The following PAQR5 variants were observed in gnomAD, a reference collection of about 807,000 sequenced individuals.
PAQR5 encodes the protein membrane progestin receptor gamma.
A neutral mutation model predicts 34.5 loss-of-function variants in PAQR5; 20 were observed. That is an observed-to-expected ratio of 0.58 (90% CI 0.41 to 0.84). The LOEUF (loss-of-function observed/expected upper bound fraction) is 0.84, where lower values mean the gene tolerates loss of function less well. PAQR5 is among the 40% of genes least tolerant of loss of function. The pLI, the probability that PAQR5 is intolerant of heterozygous loss-of-function variation, is 0.00. For synonymous variants in PAQR5, 131 were observed against 155.6 expected, an observed-to-expected ratio of 0.84 and a Z score of 1.18; for missense variants, 378 against 412.7, an observed-to-expected ratio of 0.92 and a Z score of 0.73.
intron 1 of PAQR5, among the ~76,000 whole-genome samples, chr15:69,302,871 A>G (rs965182652): frequency 6.6e-6 from 1 of 152,210 alleles, no homozygotes; most frequent in African/African-American, 2.4e-5. Flanking sequence ...AGGATGCAGC[A>G]GAGTAAGAGC....
intron 1 of PAQR5, among the ~76,000 whole-genome samples, chr15:69,320,963 G>A (rs1465153649): frequency 2.6e-5 from 4 of 152,174 alleles, no homozygotes; most frequent in East Asian, 1.9e-4. Flanking sequence ...ATTTTCCGCC[G>A]ACAAGGCCTT....
intron 4 of PAQR5, 33 bp from the exon 5 acceptor site, chr15:69,384,644 T>C (rs374598709): frequency 1.3e-6 from 2 of 1,519,380 alleles, no homozygotes; most frequent in East Asian, 2.3e-5. Context: ...TCTGTGTTCA[T>C]GGTGGAGGGT....
intron 2 of PAQR5, among the ~76,000 whole-genome samples, chr15:69,350,698 A>AC (rs2140788605): frequency 1.3e-5 from 2 of 152,138 alleles, no homozygotes; most frequent in East Asian, 3.9e-4. Context: ...AAACAAACAA[A>AC]AAAACCAGAG....
chr15:69,353,395 T>C (rs938850539), intron 2 of PAQR5, among the ~76,000 whole-genome samples: 2 of 152,258 alleles, frequency 1.3e-5, no homozygotes, highest in African/African-American at 4.8e-5. Flanking sequence ...TTCATTGCCA[T>C]GGTATTCATA....
At chr15:69,327,045 G>A (rs2054270651) in intron 1 of PAQR5, among the ~76,000 whole-genome samples, 2 of 151,688 alleles carry the variant, frequency 1.3e-5, no homozygotes, top group Admixed American at 1.3e-4. Flanking sequence ...TGAGTGCAGT[G>A]GCAGTAACAT....
At chr15:69,372,278 T>C (rs1333611411) in intron 3 of PAQR5, among the ~76,000 whole-genome samples, 1 of 152,216 alleles carries the variant, frequency 6.6e-6, no homozygotes, top group Non-Finnish European at 1.5e-5. Flanking sequence ...GCGCGGTGGC[T>C]CATGCCTGTA....
intron 1 of PAQR5, among the ~76,000 whole-genome samples, chr15:69,314,119 T>C (rs2053889020): frequency 6.6e-6 from 1 of 152,016 alleles, no homozygotes; most frequent in Non-Finnish European, 1.5e-5. Context: ...GTTTCTGAAA[T>C]AGAGGATGCC....
intron 8 of PAQR5, among the ~76,000 whole-genome samples, 188 bp from the exon 9 acceptor site, chr15:69,403,393 C>T (rs1384547891): frequency 6.6e-6 from 1 of 152,178 alleles, no homozygotes; most frequent in Non-Finnish European, 1.5e-5. Context: ...TTCTCACCCC[C>T]TGCTTGAGGC....
intron 1 of PAQR5, among the ~76,000 whole-genome samples, chr15:69,300,554 T>G (rs2053510277): frequency 6.6e-6 from 1 of 151,894 alleles, no homozygotes; most frequent in East Asian, 1.9e-4. Context: ...CTTAATCCCG[T>G]ATGCTTTTCT....
intron 2 of PAQR5, among the ~76,000 whole-genome samples, chr15:69,339,612 A>G (rs1436191776): frequency 1.3e-5 from 2 of 152,130 alleles, no homozygotes; most frequent in African/African-American, 4.8e-5. Context: ...AACTGGGACC[A>G]CAGGTGCACA....
intron 1 of PAQR5, among the ~76,000 whole-genome samples, chr15:69,316,725 CA>C (rs2053960612): frequency 6.6e-6 from 1 of 152,228 alleles, no homozygotes; most frequent in Admixed American, 6.5e-5. Flanking sequence ...ATGCTTGAAA[CA>C]CCCCAAAGAG....
intron 7 of PAQR5, 51 bp from the exon 8 acceptor site, chr15:69,399,923 C>T (rs2056571148): frequency 6.4e-7 from 1 of 1,569,708 alleles, no homozygotes; most frequent in East Asian, 2.2e-5. Flanking sequence ...GGAAGAGGGC[C>T]TGCCTCAGGC....
At chr15:69,403,556 T>C (rs951246977) in intron 8 of PAQR5, 25 bp from the exon 9 acceptor site, 3 of 1,612,096 alleles carry the variant, frequency 1.9e-6, no homozygotes, top group Non-Finnish European at 1.7e-6. Context: ...TTGCTGATCT[T>C]GACGGCCTTT....
chr15:69,350,006 T>G (rs1026963827), intron 2 of PAQR5, among the ~76,000 whole-genome samples: 5 of 152,184 alleles, frequency 3.3e-5, no homozygotes, highest in African/African-American at 1.2e-4. Context: ...CTAGAGTGGA[T>G]TTTTCACTTA....
In PAQR5 at chr15:69,379,975, G is replaced by C. The variant is rs2055836013; in HGVS notation, c.144G>C (p.Glu48Asp). Residue 48 changes from glutamate (E) to aspartate (D), a missense_variant, in exon 4 of 9, where the codon GAG (glutamate) becomes GAC (aspartate). Glu to Asp is a conservative substitution (Grantham distance 45, BLOSUM62 2). Coordinates refer to ENST00000395407, the MANE Select transcript of PAQR5 (RefSeq NM_017705.4). ...TCAGCCTTTTCCAAATGACCAATGA[G>C]ACTCTCAACATTTGGACTCACTTGC... ...CILSLFQMTN[E>D]TLNIWTHLLP... 1 of 1,614,100 alleles carries C rather than the reference G, an allele frequency of 6.2e-7. No individual in the cohort carries two copies. Among genetic ancestry groups the C allele is most frequent in the Admixed American group, 1.7e-5 (1 of 60,008 alleles).
chr15:69,354,943 T>C (rs1225378825), intron 2 of PAQR5, among the ~76,000 whole-genome samples: 1 of 152,192 alleles, frequency 6.6e-6, no homozygotes, highest in African/African-American at 2.4e-5. Context: ...TTTCTGGCCC[T>C]TGGACTCTAG....
intron 6 of PAQR5, chr15:69,391,484 G>A (rs548704559): frequency 7.2e-5 from 19 of 262,238 alleles, no homozygotes; most frequent in South Asian, 5.9e-4. Flanking sequence ...GTGGATGAAG[G>A]GAGGTATAAC....
chr15:69,334,281 G>A (rs2054461726), intron 1 of PAQR5, among the ~76,000 whole-genome samples: 1 of 152,158 alleles, frequency 6.6e-6, no homozygotes, highest in Non-Finnish European at 1.5e-5. Flanking sequence ...ACCCACCTCG[G>A]CCTTCCAAAG....
At chr15:69,347,530 G>A (rs1440685818) in intron 2 of PAQR5, among the ~76,000 whole-genome samples, 1 of 152,022 alleles carries the variant, frequency 6.6e-6, no homozygotes, top group East Asian at 1.9e-4. Context: ...AGAAAAAAGT[G>A]GGCATCTTCT....
Sources: gnomAD v4.1 joint callset for allele counts (sites outside exome capture counted in the v4.1 genomes callset) on GRCh38, gnomAD v4.1.1 for gene constraint, MANE v1.5 for transcripts, NCBI Gene and HGNC (gene_info 2026-07-23, HGNC 2026-07-21) for gene names.